The following GOLGA4 variants were observed in gnomAD, a reference collection of about 807,000 sequenced individuals.
GOLGA4 encodes the protein golgin A4.
A neutral mutation model predicts 265.9 loss-of-function variants in GOLGA4; 169 were observed. The ratio of observed to expected loss-of-function variants is 0.64; its 90% CI spans 0.56 to 0.72. The LOEUF (loss-of-function observed/expected upper bound fraction) is 0.72, where lower values mean the gene tolerates loss of function less well. Ranked by LOEUF, GOLGA4 falls within the 30% of genes least tolerant of loss-of-function variation. The probability of loss-of-function intolerance (pLI) is 0.00; values close to 1 mark genes in which losing one functional copy is unlikely to be tolerated. For missense variants in GOLGA4, 2,482 were observed against 2,483.4 expected (o/e 1.00, Z 0.01); for synonymous variants, 923 against 855.8 (o/e 1.08, Z -1.37).
intron 20 of GOLGA4, among the ~76,000 whole-genome samples, chr3:37,342,989 T>C (rs1485332162): frequency 1.3e-5 from 2 of 152,192 alleles, no homozygotes; most frequent in African/African-American, 2.4e-5. Flanking sequence ...AACCTCCACT[T>C]CCTGGGTTCA....
intron 9 of GOLGA4, among the ~76,000 whole-genome samples, chr3:37,301,271 A>G (rs1412542020): frequency 1.3e-5 from 2 of 152,138 alleles, no homozygotes; most frequent in Admixed American, 6.5e-5. Context: ...CTCCATTTCT[A>G]GTGTAGATTA....
intron 23 of GOLGA4, among the ~76,000 whole-genome samples, chr3:37,361,833 T>A (rs1284925705): frequency 6.6e-6 from 1 of 152,252 alleles, no homozygotes; most frequent in Non-Finnish European, 1.5e-5. Context: ...GACAACACAT[T>A]TGTCCTGAGG....
chr3:37,263,420 T>C (rs1395956943), intron 2 of GOLGA4, among the ~76,000 whole-genome samples: 1 of 152,194 alleles, frequency 6.6e-6, no homozygotes, highest in East Asian at 1.9e-4. Context: ...GGGTCCTTAC[T>C]GATCCAACCA....
At chr3:37,278,843 C>G (rs2096826826) in intron 2 of GOLGA4, among the ~76,000 whole-genome samples, 1 of 145,158 alleles carries the variant, frequency 6.9e-6, no homozygotes, top group Non-Finnish European at 1.5e-5. Flanking sequence ...GACAGAGTCT[C>G]TCTGTGTCAC....
intron 12 of GOLGA4, chr3:37,320,127 CCTGAG>C (rs1450040894): frequency 8.7e-6 from 1 of 115,270 alleles, no homozygotes; most frequent in African/African-American, 2.6e-5. Flanking sequence ...TAAAAAACTT[CCTGAG>C]CTAACAAAAA....
intron 2 of GOLGA4, among the ~76,000 whole-genome samples, chr3:37,270,146 G>C (rs1360949540): frequency 1.3e-5 from 2 of 149,956 alleles, no homozygotes; most frequent in African/African-American, 4.9e-5. Flanking sequence ...TGCCTGCCTC[G>C]GTCTCCCAAA....
At chr3:37,310,016 T>C (rs2096918730) in intron 10 of GOLGA4, among the ~76,000 whole-genome samples, 1 of 152,240 alleles carries the variant, frequency 6.6e-6, no homozygotes, top group South Asian at 2.1e-4. Flanking sequence ...CATTTTGTAG[T>C]GCATTTCATT....
At chr3:37,289,201 G>A (rs781002297) in intron 4 of GOLGA4, 34 bp from the exon 5 acceptor site, 3 of 1,324,458 alleles carry the variant, frequency 2.3e-6, no homozygotes, top group East Asian at 4.7e-5. Context: ...ACAGTTAGCT[G>A]TTTAACCAGC....
At chr3:37,336,750 CAAG>C (rs1450340124) in intron 17 of GOLGA4, among the ~76,000 whole-genome samples, 1 of 148,956 alleles carries the variant, frequency 6.7e-6, no homozygotes, top group Non-Finnish European at 1.5e-5. Flanking sequence ...CCCTGGGCAA[CAAG>C]AAGAGCAAAA....
At chr3:37,358,722 G>GGT (rs1424890784) in intron 22 of GOLGA4, among the ~76,000 whole-genome samples, 2 of 152,096 alleles carry the variant, frequency 1.3e-5, no homozygotes, top group African/African-American at 2.4e-5. Flanking sequence ...AGACTGGAAA[G>GGT]GTAAATCATT....
chr3:37,301,732 G>A (rs144878442), intron 9 of GOLGA4, among the ~76,000 whole-genome samples: 16 of 152,206 alleles, frequency 1.1e-4, no homozygotes, highest in Admixed American at 8.5e-4. Flanking sequence ...TGAAATAATT[G>A]TTATGCTGTA....
At chr3:37,275,991 G>A in intron 2 of GOLGA4, 4 of 1,613,428 alleles carry the variant, frequency 2.5e-6, no homozygotes, top group East Asian at 2.2e-5. Flanking sequence ...TCGCAGAACA[G>A]CCCTGAGGCA....
intron 21 of GOLGA4, among the ~76,000 whole-genome samples, chr3:37,350,177 A>G (rs557457069): frequency 6.6e-6 from 1 of 152,288 alleles, no homozygotes; most frequent in Admixed American, 6.5e-5. Context: ...AGGATATTGT[A>G]TGTAGAGTAG....
chr3:37,246,306 C>CAAA (rs58075364), intron 1 of GOLGA4, among the ~76,000 whole-genome samples: 3 of 75,484 alleles, frequency 4.0e-5, no homozygotes, highest in Non-Finnish European at 8.6e-5. Flanking sequence ...GACTCCGTCT[C>CAAA]AAAAAAAAAA....
intron 10 of GOLGA4, among the ~76,000 whole-genome samples, chr3:37,310,448 A>G (rs2096919980): frequency 6.6e-6 from 1 of 152,200 alleles, no homozygotes; most frequent in African/African-American, 2.4e-5. Context: ...GTCACTTAAT[A>G]CCTAGCATAT....
intron 16 of GOLGA4, among the ~76,000 whole-genome samples, chr3:37,331,781 G>T (rs544631697): frequency 6.6e-6 from 1 of 152,176 alleles, no homozygotes; most frequent in African/African-American, 2.4e-5. Context: ...GAAGAAGCTG[G>T]AAACTTTTGA....
At chr3:37,336,047 A>G (rs1257228316) in intron 17 of GOLGA4, among the ~76,000 whole-genome samples, 2 of 152,190 alleles carry the variant, frequency 1.3e-5, no homozygotes, top group Admixed American at 6.5e-5. Flanking sequence ...TTACACCACC[A>G]GTTACATGGA....
At chr3:37,258,051 ATATATGTATG>A in intron 2 of GOLGA4, among the ~76,000 whole-genome samples, 1 of 54,564 alleles carries the variant, frequency 1.8e-5, no homozygotes, top group Admixed American at 2.0e-4. Flanking sequence ...ACATACATAT[ATATATGTATG>A]TATATATGTA....
At chr3:37,297,289 C>G (rs2096881019) in intron 7 of GOLGA4, among the ~76,000 whole-genome samples, 1 of 152,208 alleles carries the variant, frequency 6.6e-6, no homozygotes, top group African/African-American at 2.4e-5. Context: ...AGTTAACTAT[C>G]TGAGCAACCA....
Sources: allele counts gnomAD v4.1 joint callset (sites outside exome capture counted in the v4.1 genomes callset), GRCh38; gene constraint gnomAD v4.1.1; transcripts MANE v1.5; gene names NCBI Gene and HGNC (gene_info 2026-07-23, HGNC 2026-07-21).